Variants in KSR2 observed in about 807,000 individuals in gnomAD.
The protein encoded by KSR2 is kinase suppressor of ras 2.
KSR2 carries 25 observed loss-of-function variants against 107.8 expected under a neutral mutation model. The ratio of observed to expected loss-of-function variants is 0.23; its 90% CI spans 0.17 to 0.32. The LOEUF (loss-of-function observed/expected upper bound fraction) is 0.32. KSR2 is among the 10% of genes least tolerant of loss of function. The pLI, the probability that KSR2 is intolerant of heterozygous loss-of-function variation, is 1.00. For missense variants in KSR2, 887 were observed against 1,268.9 expected, an observed-to-expected ratio of 0.70 and a Z score of 4.57; for synonymous variants, 480 against 507.0, an observed-to-expected ratio of 0.95 and a Z score of 0.71.
intron 3 of KSR2, among the ~76,000 whole-genome samples, chr12:117,784,276 T>C (rs1397498123): frequency 2.6e-5 from 4 of 152,162 alleles, no homozygotes; most frequent in African/African-American, 9.7e-5. Flanking sequence ...CTGTGTCTCA[T>C]GGTAGTGAGT....
At chr12:117,585,634 GA>G (rs1437714939) in intron 5 of KSR2, among the ~76,000 whole-genome samples, 11 of 148,156 alleles carry the variant, frequency 7.4e-5, no homozygotes, top group East Asian at 2.0e-4. Context: ...GAAAACTGTT[GA>G]AAGGGAAGGG....
chr12:117,886,213 TA>T (rs1388572662), intron 1 of KSR2, among the ~76,000 whole-genome samples: 1 of 150,094 alleles, frequency 6.7e-6, no homozygotes, highest in East Asian at 1.9e-4. Flanking sequence ...TATAGGTATA[TA>T]TAAATATATT....
chr12:117,611,116 A>T (rs1420661293), intron 5 of KSR2, among the ~76,000 whole-genome samples: 1 of 152,216 alleles, frequency 6.6e-6, no homozygotes, highest in African/African-American at 2.4e-5. Context: ...GTTGTCTATA[A>T]ACCTAAAATA....
intron 7 of KSR2, among the ~76,000 whole-genome samples, chr12:117,567,932 C>G (rs1215822178): frequency 2.0e-5 from 3 of 151,588 alleles, no homozygotes; most frequent in Non-Finnish European, 4.4e-5. Context: ...AGAAATGCCT[C>G]CGTATGCTCC....
At chr12:117,543,094 A>G (rs1287843898) in intron 9 of KSR2, among the ~76,000 whole-genome samples, 1 of 152,232 alleles carries the variant, frequency 6.6e-6, no homozygotes, top group Non-Finnish European at 1.5e-5. Flanking sequence ...ACATTTATTA[A>G]CAGGATTTAT....
chr12:117,952,237 T>A (rs1896387788), intron 1 of KSR2, among the ~76,000 whole-genome samples: 1 of 152,066 alleles, frequency 6.6e-6, no homozygotes, highest in Non-Finnish European at 1.5e-5. Flanking sequence ...GTGATGAATG[T>A]GTTAACTAAC....
chr12:117,611,261 G>A (rs1304145150), intron 5 of KSR2, among the ~76,000 whole-genome samples: 1 of 152,066 alleles, frequency 6.6e-6, no homozygotes, highest in East Asian at 1.9e-4. Flanking sequence ...TGGGAGAAGT[G>A]GGAGCTCCTG....
At chr12:117,794,639 T>C (rs918863485) in intron 3 of KSR2, among the ~76,000 whole-genome samples, 28 of 134,708 alleles carry the variant, frequency 2.1e-4, no homozygotes, top group Non-Finnish European at 4.2e-4. Flanking sequence ...CACACACCAA[T>C]ATGCACACTC....
intron 4 of KSR2, among the ~76,000 whole-genome samples, chr12:117,704,650 G>A (rs1886450945): frequency 6.6e-6 from 1 of 152,136 alleles, no homozygotes; most frequent in Non-Finnish European, 1.5e-5. Flanking sequence ...TTGAGGTCAG[G>A]AGTTTGAGGC....
At chr12:117,872,694 G>A (rs1264085268) in intron 1 of KSR2, among the ~76,000 whole-genome samples, 1 of 152,184 alleles carries the variant, frequency 6.6e-6, no homozygotes, top group Non-Finnish European at 1.5e-5. Flanking sequence ...GCAAGCATGA[G>A]AAACATCCCT....
chr12:117,660,176 T>C (rs920731830), intron 5 of KSR2, among the ~76,000 whole-genome samples: 1 of 152,242 alleles, frequency 6.6e-6, no homozygotes, highest in African/African-American at 2.4e-5. Context: ...GTACTGCCTT[T>C]CCTTATTCTT....
intron 4 of KSR2, among the ~76,000 whole-genome samples, chr12:117,701,189 G>A (rs1886294341): frequency 6.6e-6 from 1 of 152,166 alleles, no homozygotes; most frequent in African/African-American, 2.4e-5. Context: ...CTGGGTTTAA[G>A]GGGATGGATT....
chr12:117,717,665 AGGTGTGTG>A lies in KSR2; in HGVS notation c.986+43338_986+43345del, dbSNP rs1355071098. 7.5e-5 allele frequency among the ~76,000 whole-genome samples: 10 copies of A among 132,518 alleles called. 1 individual carries two copies. Among genetic ancestry groups the A allele is most frequent in the African/African-American group, 2.8e-4 (10 of 35,122 alleles). 86.9% of individuals were successfully genotyped at this position (132,518 alleles called of 152,430 possible). ...TCCATGTGGCATGTGTGGGGCAGAC[AGGTGTGTG>A]TGTGTGTGTGTGTGTGTGTGTGTGT... On this transcript the variant is annotated intron_variant, in intron 4 of 19. Coordinates refer to ENST00000339824, the MANE Select transcript of KSR2 (RefSeq NM_173598.6).
intron 5 of KSR2, among the ~76,000 whole-genome samples, chr12:117,604,209 G>A (rs1250121912): frequency 6.6e-6 from 1 of 151,890 alleles, no homozygotes; most frequent in African/African-American, 2.4e-5. Context: ...AGGTATATTC[G>A]GCCACCCCAC....
chr12:117,550,311 C>T (rs1418960014), intron 9 of KSR2, among the ~76,000 whole-genome samples: 2 of 152,172 alleles, frequency 1.3e-5, no homozygotes, highest in East Asian at 1.9e-4. Flanking sequence ...CAAATAGAAG[C>T]ACGTTCATCA....
chr12:117,742,267 T>C (rs1888244785), intron 4 of KSR2, among the ~76,000 whole-genome samples: 2 of 152,234 alleles, frequency 1.3e-5, no homozygotes, highest in African/African-American at 4.8e-5. Context: ...CGGATTTTTC[T>C]TTCACTATCA....
intron 5 of KSR2, among the ~76,000 whole-genome samples, chr12:117,623,029 A>G (rs1488090187): frequency 6.6e-6 from 1 of 152,206 alleles, no homozygotes; most frequent in Non-Finnish European, 1.5e-5. Flanking sequence ...CATGAAAACC[A>G]GACTCTGCCA....
At chr12:117,854,178 T>G (rs1035826932) in intron 3 of KSR2, among the ~76,000 whole-genome samples, 11 of 152,116 alleles carry the variant, frequency 7.2e-5, no homozygotes, top group African/African-American at 2.4e-4. Flanking sequence ...CACATTTTTT[T>G]GTATTTTTTG....
At chr12:117,651,504 T>A (rs186118470) in intron 5 of KSR2, among the ~76,000 whole-genome samples, 132 of 152,272 alleles carry the variant, frequency 8.7e-4, no homozygotes, top group African/African-American at 2.9e-3. Context: ...GAACACAGAG[T>A]TGGATCAGGC....
Sources: gnomAD v4.1 joint callset for allele counts (sites outside exome capture counted in the v4.1 genomes callset) on GRCh38, gnomAD v4.1.1 for gene constraint, MANE v1.5 for transcripts, NCBI Gene and HGNC (gene_info 2026-07-23, HGNC 2026-07-21) for gene names.